The following POLD3 variants were observed in gnomAD, a reference collection of about 807,000 sequenced individuals.
POLD3 encodes the protein DNA polymerase delta subunit 3.
Under a neutral mutation model 58.2 loss-of-function variants are expected in POLD3, and 19 were observed. The observed-to-expected ratio is 0.33, with a 90% CI of 0.23 to 0.48. The LOEUF (loss-of-function observed/expected upper bound fraction) is 0.48, where lower values mean the gene tolerates loss of function less well. POLD3 is among the 20% of genes least tolerant of loss of function. The pLI, the probability that POLD3 is intolerant of heterozygous loss-of-function variation, is 0.99. For synonymous variants in POLD3, 172 were observed against 193.5 expected, an observed-to-expected ratio of 0.89 and a Z score of 0.92; for missense variants, 504 against 545.5, an observed-to-expected ratio of 0.92 and a Z score of 0.76.
intron 9 of POLD3, among the ~76,000 whole-genome samples, chr11:74,630,027 A>G (rs1390464972): frequency 2.0e-5 from 3 of 152,194 alleles, no homozygotes; most frequent in Admixed American, 6.5e-5. Flanking sequence ...GCTCTAATCA[A>G]TTGTCCATGA....
intron 8 of POLD3, among the ~76,000 whole-genome samples, chr11:74,625,870 G>GT (rs767845162): frequency 5.3e-3 from 258 of 48,232 alleles, no homozygotes; most frequent in Middle Eastern, 0.027. Context: ...AGTGTGCCTA[G>GT]TTGTGTGTGT....
chr11:74,661,264 G>A (rs1026889060), intron 4 of POLD3, among the ~76,000 whole-genome samples: 1 of 152,110 alleles, frequency 6.6e-6, no homozygotes, highest in East Asian at 1.9e-4. Flanking sequence ...GTGGATGTTT[G>A]TCAGTGTCTA....
In POLD3 at chr11:74,659,297, C is replaced by T. The variant is rs181270339; in HGVS notation, c.370-9480C>T. Reference sequence around the variant, plus strand: ...ATAGGCTGCACACAGCACGGGGACCCTGGGCCTGACCTATGAAACCACTTT... The same window carrying T: ...ATAGGCTGCACACAGCACGGGGACCTTGGGCCTGACCTATGAAACCACTTT... On this transcript the variant is annotated intron_variant, in intron 4 of 4. Transcript: ENST00000524752. 2.6e-5 allele frequency among the ~76,000 whole-genome samples: 4 copies of T among 152,268 alleles called. No homozygotes were observed. The East Asian group carries it at 7.8e-4, about 30-fold the overall frequency.
chr11:74,652,132 C>T (rs1193862939), intron 4 of POLD3, among the ~76,000 whole-genome samples: 2 of 152,208 alleles, frequency 1.3e-5, no homozygotes, highest in Non-Finnish European at 2.9e-5. Context: ...TTCACATACT[C>T]TAGATGGCCA....
At chr11:74,637,792 G>C (rs575287291) in intron 11 of POLD3, among the ~76,000 whole-genome samples, 1 of 144,432 alleles carries the variant, frequency 6.9e-6, no homozygotes, top group East Asian at 2.0e-4. Context: ...AGTGAAAACT[G>C]TGCTCACATT....
At chr11:74,645,124 T>C (rs942222994), downstream of POLD3, among the ~76,000 whole-genome samples, 1 of 152,232 alleles carries the variant, frequency 6.6e-6, no homozygotes, top group Non-Finnish European at 1.5e-5. Flanking sequence ...TGGGACTTAA[T>C]AATTTAGGAA....
Position 74,641,235 on chromosome 11 carries a change from CT to C in POLD3, c.*471del. On this transcript the variant is annotated 3_prime_UTR_variant, in exon 12 of 12. Transcript: ENST00000263681. ...CCTCTTGTCTTCCTGCAGTACCACA[CT>C]TCTGTCCCCTAACCTCCTGAGGCTG... 1 of 985,572 alleles carries C rather than the reference CT, an allele frequency of 1.0e-6. No individual in the cohort carries two copies. Among genetic ancestry groups the C allele is most frequent in the Non-Finnish European group, 1.2e-6 (1 of 830,020 alleles). 61.1% of individuals were successfully genotyped at this position (985,572 alleles called of 1,614,324 possible).
At chr11:74,654,584 G>T (rs142587261) in intron 4 of POLD3, among the ~76,000 whole-genome samples, 1 of 152,118 alleles carries the variant, frequency 6.6e-6, no homozygotes, top group Admixed American at 6.5e-5. Flanking sequence ...GCATTTATTC[G>T]TGAAAAACTA....
intron 4 of POLD3, among the ~76,000 whole-genome samples, chr11:74,649,539 T>C (rs1419854621): frequency 6.6e-6 from 1 of 152,224 alleles, no homozygotes; most frequent in Non-Finnish European, 1.5e-5. Flanking sequence ...TTTAATTCTT[T>C]TCTAGCAGTA....
intron 3 of POLD3, among the ~76,000 whole-genome samples, chr11:74,608,836 G>A (rs1476795734): frequency 3.3e-5 from 5 of 152,072 alleles, no homozygotes; most frequent in South Asian, 4.1e-4. Context: ...GCAGTTTTAC[G>A]GAACATGACT....
Position 74,594,058 on chromosome 11 carries a change from C to T in POLD3, c.61-3C>T. The T allele has an allele frequency of 3.1e-6, 5 of 1,590,456 alleles. No individual in the cohort carries two copies. Among genetic ancestry groups the T allele is most frequent in the African/African-American group, 1.3e-5 (1 of 74,524 alleles). ...ACATTTGAAAAATTTTTTCTTGTTACAGGTGACATACAAATGGCTGAGCTA... is the reference window on the plus strand; with the variant it reads ...ACATTTGAAAAATTTTTTCTTGTTATAGGTGACATACAAATGGCTGAGCTA... On this transcript the variant is annotated splice_region_variant and splice_polypyrimidine_tract_variant and intron_variant, in intron 1 of 11. Transcript: ENST00000263681.
chr11:74,602,974 A>G (rs1478530363), intron 2 of POLD3, among the ~76,000 whole-genome samples: 1 of 152,164 alleles, frequency 6.6e-6, no homozygotes, highest in Non-Finnish European at 1.5e-5. Context: ...ATCACCTTAT[A>G]TAAAATAGCA....
chr11:74,593,072 A>G (rs2135105275), intron 1 of POLD3: 1 of 1,079,286 alleles, frequency 9.3e-7, no homozygotes, highest in Non-Finnish European at 1.1e-6. Flanking sequence ...TTTACAGTTG[A>G]GGAAATCGTG....
downstream of POLD3, among the ~76,000 whole-genome samples, chr11:74,644,060 C>T (rs2032970024): frequency 6.6e-6 from 1 of 152,176 alleles, no homozygotes; most frequent in Non-Finnish European, 1.5e-5. Context: ...CTCCACTCAC[C>T]TCCCTGGAAA....
At position 74,640,906 on chromosome 11, in the gene POLD3, A is replaced by G. The variant is rs2032896580; in HGVS notation, c.*140A>G. ...ACTGTTCTTTCATCCTGTGAGGTTT[A>G]TACTATTTCTGGTTTTTAACCAAAA... On this transcript the variant is annotated 3_prime_UTR_variant, in exon 12 of 12. Coordinates refer to ENST00000263681, the MANE Select transcript of POLD3 (RefSeq NM_006591.3). 7.7e-7 allele frequency: 1 copy of G among 1,292,090 alleles called. No homozygotes were observed. The highest frequency in any genetic ancestry group is 9.8e-7 in the Non-Finnish European group (1 of 1,020,310). The allele number at this position is 1,292,090 out of a possible 1,614,324, so 80.0% of individuals were successfully genotyped here. A position where few individuals can be genotyped will look rare whatever the true frequency, so the allele number is the denominator to read the frequency against.
chr11:74,595,746 T>G (rs1286200590), intron 2 of POLD3, among the ~76,000 whole-genome samples: 1 of 152,142 alleles, frequency 6.6e-6, no homozygotes, highest in East Asian at 1.9e-4. Flanking sequence ...GCCTCCCGAG[T>G]AGCCGGGACT....
intron 5 of POLD3, 76 bp from the exon 6 acceptor site, chr11:74,618,461 T>A (rs982687574): frequency 3.8e-6 from 4 of 1,060,242 alleles, no homozygotes; most frequent in Non-Finnish European, 5.5e-6. Flanking sequence ...GACATTAGTT[T>A]TTTTTTTCTT....
chr11:74,596,980 C>T (rs558501955), intron 2 of POLD3, among the ~76,000 whole-genome samples: 307 of 152,282 alleles, frequency 2.0e-3, no homozygotes, highest in Admixed American at 3.4e-3. Flanking sequence ...TGTGTATATA[C>T]ACTATATTTC....
chr11:74,641,988 G>A lies in POLD3; in HGVS notation c.*1222G>A. 1 of 985,480 alleles carries A rather than the reference G, an allele frequency of 1.0e-6. No homozygotes were observed. The highest frequency in any genetic ancestry group is 1.2e-6 in the Non-Finnish European group (1 of 829,956). The allele number at this position is 985,480 out of a possible 1,614,324, so 61.0% of individuals were successfully genotyped here. A position where few individuals can be genotyped will look rare whatever the true frequency, so the allele number is the denominator to read the frequency against. On this transcript the variant is annotated 3_prime_UTR_variant, in exon 12 of 12. Coordinates refer to ENST00000263681, the MANE Select transcript of POLD3 (RefSeq NM_006591.3). ...GGACAGGCGGTGAGCTCAGTGGATT[G>A]CAGTGGTGTGCTGGTGATTTTGCAC... is the stretch of plus-strand genomic sequence containing the variant.
Sources: allele counts gnomAD v4.1 joint callset (sites outside exome capture counted in the v4.1 genomes callset), GRCh38; gene constraint gnomAD v4.1.1; transcripts MANE v1.5; gene names NCBI Gene and HGNC (gene_info 2026-07-23, HGNC 2026-07-21).